The following TTC27 variants were observed in gnomAD, a reference collection of about 807,000 sequenced individuals.
TTC27 encodes the protein tetratricopeptide repeat domain 27.
Under a neutral mutation model 115.9 loss-of-function variants are expected in TTC27, and 79 were observed. That is an observed-to-expected ratio of 0.68 (90% CI 0.57 to 0.82). TTC27 has a LOEUF of 0.82. Ranked by LOEUF, TTC27 falls within the 40% of genes least tolerant of loss-of-function variation. The pLI is 0.00. For synonymous variants in TTC27, 401 were observed against 356.0 expected (o/e 1.13, Z -1.42); for missense variants, 1,054 against 993.1 (o/e 1.06, Z -0.82).
At chr2:32,809,788 A>T (rs1671254102) in intron 16 of TTC27, among the ~76,000 whole-genome samples, 1 of 152,174 alleles carries the variant, frequency 6.6e-6, no homozygotes, top group Admixed American at 6.5e-5. Context: ...AGCATCTGGG[A>T]TAGAATGTGT....
intron 16 of TTC27, among the ~76,000 whole-genome samples, chr2:32,797,285 C>T (rs752751069): frequency 2.2e-4 from 33 of 152,010 alleles, no homozygotes; most frequent in Non-Finnish European, 4.1e-4. Flanking sequence ...GCTCAAGCAG[C>T]CCTCCTGCCT....
rs754761673 is a variant in TTC27 at position 32,664,456 on chromosome 2, T to C, written c.794T>C (p.Ile265Thr). Residue 265 changes from isoleucine to threonine, a missense_variant, in exon 6 of 20, where the codon ATT becomes ACT. By Grantham distance (89) the Ile-to-Thr change is moderately conservative. Coordinates refer to ENST00000317907, the MANE Select transcript of TTC27 (RefSeq NM_017735.5). ...GCTAAGGACATCAGCCAATTACAAA[T>C]TGATTTGACAGGTAAGACTTATTTT... ...DIAKDISQLQ[I>T]DLTGALGKRT... 52 of 1,602,994 alleles carry C rather than the reference T, an allele frequency of 3.2e-5. No homozygotes were observed. Among genetic ancestry groups the C allele is most frequent in the Non-Finnish European group, 3.9e-5 (46 of 1,177,696 alleles).
At chr2:32,693,107 A>G (rs776341243) in intron 9 of TTC27, among the ~76,000 whole-genome samples, 2 of 152,258 alleles carry the variant, frequency 1.3e-5, no homozygotes, top group Non-Finnish European at 2.9e-5. Context: ...TACATAATTA[A>G]TACAATCCTT....
intron 16 of TTC27, among the ~76,000 whole-genome samples, chr2:32,797,247 TACTGCC>T (rs1670734616): frequency 6.6e-6 from 1 of 151,628 alleles, no homozygotes; most frequent in African/African-American, 2.4e-5. Context: ...GATCATAGCT[TACTGCC>T]ACTGCAGCTT....
intron 12 of TTC27, among the ~76,000 whole-genome samples, chr2:32,753,985 G>T (rs1319577351): frequency 6.6e-6 from 1 of 152,054 alleles, no homozygotes; most frequent in Non-Finnish European, 1.5e-5. Context: ...TGAGGCTGGA[G>T]AATCGCTTGA....
chr2:32,754,549 C>T (rs79612362), intron 12 of TTC27, among the ~76,000 whole-genome samples: 118,562 of 144,956 alleles, frequency 0.82, 48,607 homozygotes, highest in Middle Eastern at 0.9. Context: ...TACTTCTTTC[C>T]ACACAGACAC....
At chr2:32,719,131 T>C (rs935137797) in intron 10 of TTC27, among the ~76,000 whole-genome samples, 1 of 152,160 alleles carries the variant, frequency 6.6e-6, no homozygotes, top group African/African-American at 2.4e-5. Context: ...CATTGGCCAG[T>C]GGTTCTGAGC....
chr2:32,646,763 T>C (rs897720126), intron 4 of TTC27, among the ~76,000 whole-genome samples: 1 of 151,134 alleles, frequency 6.6e-6, no homozygotes, highest in Non-Finnish European at 1.5e-5. Context: ...TGGGATTTCA[T>C]TGTGTTGGCC....
chr2:32,761,555 C>T (rs985059405), intron 13 of TTC27, among the ~76,000 whole-genome samples: 5 of 152,108 alleles, frequency 3.3e-5, no homozygotes, highest in African/African-American at 9.7e-5. Context: ...CCCCTTTTCT[C>T]ACCCCACATT....
chr2:32,757,922 G>C (rs1669296131), intron 12 of TTC27, among the ~76,000 whole-genome samples: 1 of 152,134 alleles, frequency 6.6e-6, no homozygotes, highest in Non-Finnish European at 1.5e-5. Flanking sequence ...GGCTGGTCTT[G>C]AACTCCTGAC....
chr2:32,781,676 C>A (rs1421650005), intron 14 of TTC27, among the ~76,000 whole-genome samples: 1 of 152,070 alleles, frequency 6.6e-6, no homozygotes, highest in Admixed American at 6.5e-5. Flanking sequence ...AAACTCCTGG[C>A]CTCAAGTGAT....
chr2:32,745,352 G>A (rs575277783), intron 12 of TTC27, among the ~76,000 whole-genome samples: 2 of 152,222 alleles, frequency 1.3e-5, no homozygotes, highest in Admixed American at 6.5e-5. Flanking sequence ...CCCAAGTTTA[G>A]TAATCTCAGT....
chr2:32,659,214 C>A (rs533534847), intron 5 of TTC27, among the ~76,000 whole-genome samples: 1 of 152,164 alleles, frequency 6.6e-6, no homozygotes, highest in Non-Finnish European at 1.5e-5. Flanking sequence ...AATCTTTCCA[C>A]CTAGGTCTTC....
intron 12 of TTC27, among the ~76,000 whole-genome samples, chr2:32,751,946 A>C (rs1459003212): frequency 6.6e-6 from 1 of 152,216 alleles, no homozygotes; most frequent in African/African-American, 2.4e-5. Flanking sequence ...ATACATATCA[A>C]GTTTGAACTT....
At chr2:32,788,575 T>A (rs926871013) in intron 16 of TTC27, among the ~76,000 whole-genome samples, 2 of 152,198 alleles carry the variant, frequency 1.3e-5, no homozygotes, top group Non-Finnish European at 2.9e-5. Flanking sequence ...GTCCTGTGCC[T>A]CCATTTTCTA....
chr2:32,777,774 T>C, intron 13 of TTC27, 108 bp from the exon 14 acceptor site: 3 of 976,088 alleles, frequency 3.1e-6, no homozygotes, highest in Non-Finnish European at 4.7e-6. Flanking sequence ...TATATAGCTC[T>C]GCATTCTTTC....
chr2:32,644,861 C>T (rs1282134954), intron 4 of TTC27, among the ~76,000 whole-genome samples: 2 of 133,890 alleles, frequency 1.5e-5, no homozygotes, highest in African/African-American at 5.4e-5. Context: ...TCTTTTCTTC[C>T]TTCCTTTCTG....
chr2:32,752,425 T>G (rs1669052034), intron 12 of TTC27, among the ~76,000 whole-genome samples: 2 of 152,222 alleles, frequency 1.3e-5, no homozygotes, highest in African/African-American at 4.8e-5. Context: ...TGGCCACATT[T>G]GAGTCCAGAT....
intron 14 of TTC27, among the ~76,000 whole-genome samples, chr2:32,780,403 T>C (rs2148015256): frequency 6.6e-6 from 1 of 152,248 alleles, no homozygotes; most frequent in Admixed American, 6.5e-5. Flanking sequence ...TGTTTTATCC[T>C]TTTTCATACT....
Sources: allele counts gnomAD v4.1 joint callset (sites outside exome capture counted in the v4.1 genomes callset), GRCh38; gene constraint gnomAD v4.1.1; transcripts MANE v1.5; gene names NCBI Gene and HGNC (gene_info 2026-07-23, HGNC 2026-07-21).